Variants in OCRL observed in about 807,000 individuals in gnomAD.
The protein encoded by OCRL is inositol polyphosphate 5-phosphatase OCRL.
OCRL carries 8 observed loss-of-function variants against 78.9 expected under a neutral mutation model. The ratio of observed to expected loss-of-function variants is 0.10; its 90% CI spans 0.06 to 0.18. The LOEUF is 0.18. OCRL is among the 10% of genes least tolerant of loss of function. The pLI, the probability that OCRL is intolerant of heterozygous loss-of-function variation, is 1.00. For synonymous variants in OCRL, 240 were observed against 235.4 expected (o/e 1.02, Z -0.18); for missense variants, 454 against 696.7 (o/e 0.65, Z 3.92).
Position 129,575,194 on chromosome X carries a change from A to G in OCRL, c.1657A>G (p.Ile553Val), listed in dbSNP as rs773281269. The change falls in exon 16 of 24, where the codon ATC (isoleucine) becomes GTC (valine). Residue 553 changes from isoleucine to valine, a missense_variant. Ile to Val is a conservative substitution (Grantham distance 29). This residue lies in a region of OCRL where 277 missense variants were observed against 517.1 expected (regional missense o/e 0.54). Coordinates refer to ENST00000371113, the MANE Select transcript of OCRL (RefSeq NM_000276.4). ...GAAAGTCTTTGAAGATAGTGTACGCATCATGGACAGAATGGAAAATGACTT... is the reference window on the plus strand; with the variant it reads ...GAAAGTCTTTGAAGATAGTGTACGCGTCATGGACAGAATGGAAAATGACTT... ...YRKVFEDSVRIMDRMENDFLP... is the reference protein window; with the variant it reads ...YRKVFEDSVRVMDRMENDFLP... 95 of 1,209,090 alleles carry G rather than the reference A, an allele frequency of 7.9e-5. 3 individuals carry two copies. In the Admixed American group the frequency reaches 1.6e-3, roughly 20 times the overall value.
At chrX:129,557,672 A>G (rs1936077343) in intron 5 of OCRL, among the ~76,000 whole-genome samples, 189 bp from the exon 6 acceptor site, 1 of 111,753 alleles carries the variant, frequency 8.9e-6, no homozygotes, top group African/African-American at 3.3e-5. Context: ...AGCTTACCAT[A>G]GACTATAATT....
In OCRL at chrX:129,592,434, T is replaced by C. The variant is rs1654533607; in HGVS notation, c.*2164T>C. 1.8e-5 allele frequency: 2 copies of C among 113,011 alleles called. No individual in the cohort carries two copies. The highest frequency in any genetic ancestry group is 7.3e-4 in the South Asian group (2 of 2,739). 9.3% of individuals were successfully genotyped at this position (113,011 alleles called of 1,213,427 possible). On this transcript the variant is annotated 3_prime_UTR_variant, in exon 24 of 24. Coordinates refer to ENST00000371113, the MANE Select transcript of OCRL (RefSeq NM_000276.4). ...TTTCTTATTCTGTAATTGTTTGTTA[T>C]ATTTCCCAAAAACGTCTTGATCACT... is the stretch of plus-strand genomic sequence containing the variant.
At chrX:129,578,480 C>T (rs1193684778) in intron 18 of OCRL, among the ~76,000 whole-genome samples, 1 of 106,554 alleles carries the variant, frequency 9.4e-6, no homozygotes, top group Non-Finnish European at 1.9e-5. Flanking sequence ...CCCATTTATA[C>T]TCTCTCCTTC....
chrX:129,555,000 T>TAAAAA (rs78547580), intron 4 of OCRL, among the ~76,000 whole-genome samples: 3 of 95,569 alleles, frequency 3.1e-5, no homozygotes, highest in African/African-American at 1.3e-4. Flanking sequence ...AATAAATAAA[T>TAAAAA]AAAAATAAGA....
intron 15 of OCRL, among the ~76,000 whole-genome samples, chrX:129,569,880 A>G (rs1191116191): frequency 3.7e-5 from 3 of 81,219 alleles, no homozygotes; most frequent in Admixed American, 3.7e-4. Flanking sequence ...GTCTTGCCCT[A>G]TCCTCCGGGC....
At chrX:129,572,223 C>T (rs1936310994) in intron 15 of OCRL, among the ~76,000 whole-genome samples, 2 of 111,952 alleles carry the variant, frequency 1.8e-5, no homozygotes, top group Admixed American at 9.4e-5. Flanking sequence ...ATATCATAAA[C>T]GGTCTTATAT....
intron 12 of OCRL, among the ~76,000 whole-genome samples, chrX:129,564,798 C>G (rs1273360469): frequency 9.1e-6 from 1 of 110,262 alleles, no homozygotes; most frequent in African/African-American, 3.3e-5. Context: ...GTGCAGCACA[C>G]CAGCATGGCA....
chrX:129,577,581 AG>A (rs1175935109), intron 18 of OCRL, among the ~76,000 whole-genome samples: 6 of 111,799 alleles, frequency 5.4e-5, no homozygotes, highest in Admixed American at 4.7e-4. Flanking sequence ...TGTATCTAGC[AG>A]GGAGGTCTAG....
chrX:129,587,746 A>G (rs144521799), intron 20 of OCRL, among the ~76,000 whole-genome samples: 1,431 of 108,830 alleles, frequency 0.013, 16 homozygotes, highest in African/African-American at 0.045. Flanking sequence ...TCAAGAGGCT[A>G]CAAGTAGGCC....
Position 129,557,351 on chromosome X carries a change from G to C in OCRL, c.265G>C (p.Asp89His), listed in dbSNP as rs753369725. ...TGGCTGCAAAATTCGGGTTCAGGGG[G>C]ACTGGATCAGAGAGCGCCGCTTTGA... ...NSGCKIRVQG[D>H]WIRERRFEIP... The change falls in exon 5 of 24, where the codon GAC (aspartate) becomes CAC (histidine). Residue 89 changes from aspartate to histidine, a missense_variant. Physicochemically the swap from Asp to His is moderately conservative, Grantham distance 81 (BLOSUM62 -1). This residue lies in a region of OCRL where 177 missense variants were observed against 179.6 expected (regional missense o/e 0.99). Coordinates refer to ENST00000371113, the MANE Select transcript of OCRL (RefSeq NM_000276.4). 1.7e-5 allele frequency: 21 copies of C among 1,209,590 alleles called. No homozygotes were observed. In the East Asian group the frequency reaches 3.0e-4, roughly 17 times the overall value.
At chrX:129,548,497 A>G in intron 3 of OCRL, 66 bp from the exon 4 acceptor site, 2 of 840,200 alleles carry the variant, frequency 2.4e-6, no homozygotes, top group Non-Finnish European at 1.8e-6. Flanking sequence ...TTAGGCATGT[A>G]TTCTTTTGGT....
rs1369965382 is a variant in OCRL at position 129,562,505 on chromosome X, G to C, written c.1056+5G>C. On this transcript the variant is annotated splice_donor_5th_base_variant and intron_variant, in intron 11 of 23. Transcript: ENST00000371113. ...ACTGGAATCATGGGGAAAATGGTGA[G>C]TTACTTTGGAAATGAGCTTGATTAT... 2 of 1,195,933 alleles carry C rather than the reference G, an allele frequency of 1.7e-6. No homozygotes were observed. The highest frequency in any genetic ancestry group is 3.5e-5 in the South Asian group (2 of 56,642).
At position 129,587,404 on chromosome X, in the gene OCRL, A is replaced by G. The variant is rs746571210; in HGVS notation, c.2256+286A>G. 5.4e-5 allele frequency among the ~76,000 whole-genome samples: 6 copies of G among 111,479 alleles called. 1 individual carries two copies. Among genetic ancestry groups the G allele is most frequent in the Admixed American group, 9.5e-5 (1 of 10,495 alleles). ...GGCTACCCTCTCATTTTCCCTGGACAGCTGCACACCTGAGTCTATAATGCC... is the reference window on the plus strand; with the variant it reads ...GGCTACCCTCTCATTTTCCCTGGACGGCTGCACACCTGAGTCTATAATGCC... On this transcript the variant is annotated intron_variant, in intron 20 of 23. Coordinates refer to ENST00000371113, the MANE Select transcript of OCRL (RefSeq NM_000276.4).
rs1936369336 is a variant in OCRL at position 129,576,364 on chromosome X, G to A, written c.1927G>A (p.Val643Ile). Residue 643 changes from valine to isoleucine, a missense_variant, in exon 18 of 24, where the codon GTA becomes ATA. By Grantham distance (29) the Val-to-Ile change is conservative. This residue lies in a region of OCRL where 277 missense variants were observed against 517.1 expected (regional missense o/e 0.54). Transcript: ENST00000371113. ...TGATGTGTATGTCAGCAAAGACTCT[G>A]TAACCATCCTGAACTCGGGAGAAGA... is the stretch of plus-strand genomic sequence containing the variant. ...SLDVYVSKDSVTILNSGEDKI... is the reference protein window; with the variant it reads ...SLDVYVSKDSITILNSGEDKI... The A allele has an allele frequency of 8.3e-7, 1 of 1,211,303 alleles. No individual in the cohort carries two copies. The highest frequency in any genetic ancestry group is 1.1e-6 in the Non-Finnish European group (1 of 895,032).
intron 4 of OCRL, among the ~76,000 whole-genome samples, chrX:129,552,212 G>A (rs1002085735): frequency 3.0e-4 from 33 of 111,513 alleles, no homozygotes; most frequent in African/African-American, 1.0e-3. Context: ...ATGAAGAGAA[G>A]CAGTCAGACT....
At chrX:129,583,148 A>G (rs1044595318) in intron 18 of OCRL, among the ~76,000 whole-genome samples, 5 of 111,746 alleles carry the variant, frequency 4.5e-5, no homozygotes, top group African/African-American at 1.3e-4. Context: ...CTGAGGCTCT[A>G]TGAAGTTTGG....
intron 3 of OCRL, among the ~76,000 whole-genome samples, chrX:129,545,807 C>T (rs1441565443): frequency 9.0e-6 from 1 of 111,663 alleles, no homozygotes; most frequent in East Asian, 2.8e-4. Context: ...GGTCATTTCC[C>T]AGGCTCAAGT....
At chrX:129,555,400 A>T (rs1936029315) in intron 4 of OCRL, among the ~76,000 whole-genome samples, 1 of 110,669 alleles carries the variant, frequency 9.0e-6, no homozygotes, top group Non-Finnish European at 1.9e-5. Context: ...GCTTGAACCC[A>T]GGGGACGAGG....
In OCRL at chrX:129,549,587, A is replaced by C. The variant is rs191328723; in HGVS notation, c.238+986A>C. 336 of 111,338 alleles carry C rather than the reference A, an allele frequency of 3.0e-3. 3 individuals are homozygous for C. The highest frequency in any genetic ancestry group is 0.01 in the African/African-American group (317 of 30,649). The allele number at this position is 111,338 out of a possible 1,213,427, so 9.2% of individuals were successfully genotyped here. A position where few individuals can be genotyped will look rare whatever the true frequency, so the allele number is the denominator to read the frequency against. Reference sequence around the variant, plus strand: ...AGGCTGTGCCTGAAAGGCCAGGTAAACCCCAGCTGCAAGTATCCAAGAGAG... The same window carrying C: ...AGGCTGTGCCTGAAAGGCCAGGTAACCCCCAGCTGCAAGTATCCAAGAGAG... On this transcript the variant is annotated intron_variant, in intron 4 of 23. Transcript: ENST00000371113.
Sources: allele counts gnomAD v4.1 joint callset (sites outside exome capture counted in the v4.1 genomes callset), GRCh38; gene constraint gnomAD v4.1.1; regional missense constraint gnomAD v4.1.1; transcripts MANE v1.5; gene names NCBI Gene and HGNC (gene_info 2026-07-23, HGNC 2026-07-21).